The following MAGEA6 variants were observed in gnomAD, a reference collection of about 807,000 sequenced individuals.
MAGEA6 encodes MAGE family member A6, also known as melanoma-associated antigen 6.
For synonymous variants in MAGEA6, 100 were observed against 98.8 expected (o/e 1.01, Z -0.07); for missense variants, 281 against 231.4 (o/e 1.21, Z -1.39).
rs1406500404 is a variant in MAGEA6, at chrX:152,766,961, C to A, written c.690G>T (p.Val230=). The A allele has an allele frequency of 8.3e-7, 1 of 1,208,953 alleles. No individual in the cohort carries two copies. Among genetic ancestry groups the A allele is most frequent in the African/African-American group, 1.8e-5 (1 of 57,099 alleles). ...AGATACTGTCTTCCCTCCCCTCAAACACCTCTAACACACTCAGCTCCTCCC... is the reference window on the plus strand; with the variant it reads ...AGATACTGTCTTCCCTCCCCTCAAAAACCTCTAACACACTCAGCTCCTCCC... ...KIWEELSVLE[V]FEGREDSIFG... is the part of the protein sequence containing the mutation. The change falls in exon 3 of 3, where the codon GTG becomes GTT. Residue 230 remains valine, a synonymous_variant. Transcript: ENST00000329342.
chrX:152,766,613 A>G lies in MAGEA6; in HGVS notation c.*93T>C, dbSNP rs1946817811. 1.1e-6 allele frequency: 1 copy of G among 895,378 alleles called. No homozygotes were observed. The highest frequency in any genetic ancestry group is 2.3e-5 in the South Asian group (1 of 42,630). 73.8% of individuals were successfully genotyped at this position (895,378 alleles called of 1,213,427 possible). A position where few individuals can be genotyped will look rare whatever the true frequency, so the allele number is the denominator to read the frequency against. ...AAGAGTGAAGAATGGGCCTCACGTCACAGGAGGCAGTGGAAACTAAGGGAT... is the reference window on the plus strand; with the variant it reads ...AAGAGTGAAGAATGGGCCTCACGTCGCAGGAGGCAGTGGAAACTAAGGGAT... On this transcript the variant is annotated 3_prime_UTR_variant, in exon 3 of 3. Coordinates refer to ENST00000329342, the MANE Select transcript of MAGEA6 (RefSeq NM_005363.5).
rs782710615 is a variant in MAGEA6 at position 152,766,771 on chromosome X, T to C, written c.880A>G (p.Ser294Gly). 195 of 1,208,993 alleles carry C rather than the reference T, an allele frequency of 1.6e-4. 1 individual carries two copies. The Middle Eastern group carries it at 9.0e-3, about 56-fold the overall frequency. Reference sequence around the variant, plus strand: ...GGGTAGGAAATGCGAGGTCCTCCACTGATCTTTACCATATGGTGCAGGACT... The same window carrying C: ...GGGTAGGAAATGCGAGGTCCTCCACCGATCTTTACCATATGGTGCAGGACT... ...VKVLHHMVKI[S>G]GGPRISYPLL... Residue 294 changes from serine (S) to glycine (G), a missense_variant, in exon 3 of 3, where the codon AGT becomes GGT. Ser to Gly is a moderately conservative substitution (Grantham distance 56). Transcript: ENST00000329342.
At position 152,767,298 on chromosome X, in the gene MAGEA6, T is replaced by G. The variant is rs1932754564; in HGVS notation, c.353A>C (p.His118Pro). The change falls in exon 3 of 3, where the codon CAT becomes CCT. Residue 118 changes from histidine (H) to proline (P), a missense_variant. Coordinates refer to ENST00000329342, the MANE Select transcript of MAGEA6 (RefSeq NM_005363.5). Reference sequence around the variant, plus strand: ...GGCTCGATACTTGAGGAGCAGAAAATGAACCAACTTGGCCACCTTCCTACT... The same window carrying G: ...GGCTCGATACTTGAGGAGCAGAAAAGGAACCAACTTGGCCACCTTCCTACT... ...ALSRKVAKLV[H>P]FLLLKYRARE... 33 of 1,210,296 alleles carry G rather than the reference T, an allele frequency of 2.7e-5. No individual in the cohort carries two copies. Among genetic ancestry groups the G allele is most frequent in the Non-Finnish European group, 3.2e-5 (29 of 894,598 alleles).
chrX:152,767,226 T>C lies in MAGEA6; in HGVS notation c.425A>G (p.Asn142Ser). ...KAEMLGSVVG[N>S]WQYFFPVIFS... is the part of the protein sequence containing the mutation. ...GATCACAGGAAAGAAGTACTGCCAA[T>C]TTCCGACGACACTCCCCAGCATTTC... Residue 142 changes from asparagine to serine, a missense_variant, in exon 3 of 3, where the codon AAT becomes AGT. Coordinates refer to ENST00000329342, the MANE Select transcript of MAGEA6 (RefSeq NM_005363.5). The C allele has an allele frequency of 1.7e-6, 2 of 1,210,452 alleles. No homozygotes were observed.
At position 152,766,483 on chromosome X, in the gene MAGEA6, C is replaced by T. The variant is rs1316670663; in HGVS notation, c.*223G>A. On this transcript the variant is annotated 3_prime_UTR_variant, in exon 3 of 3. Transcript: ENST00000329342. ...GGATGCTGACGCTCATTCAACCATC[C>T]GTTAAAAGGAACATTTGAACAACTC... is the stretch of plus-strand genomic sequence containing the variant. 1.4e-5 allele frequency: 6 copies of T among 435,702 alleles called. No individual in the cohort carries two copies. Among genetic ancestry groups the T allele is most frequent in the Admixed American group, 4.1e-5 (1 of 24,338 alleles). 35.9% of individuals were successfully genotyped at this position (435,702 alleles called of 1,213,427 possible).
chrX:152,767,748 G>T lies in MAGEA6; in HGVS notation c.-65-33C>A, dbSNP rs1259020965. The T allele has an allele frequency of 4.0e-5, 15 of 375,974 alleles. 1 individual carries two copies. In the African/African-American group the frequency reaches 4.5e-4, roughly 11 times the overall value. 31.0% of individuals were successfully genotyped at this position (375,974 alleles called of 1,213,427 possible). On this transcript the variant is annotated intron_variant, in intron 2 of 2. Coordinates refer to ENST00000329342, the MANE Select transcript of MAGEA6 (RefSeq NM_005363.5). ...GAGAGGGAGCATGTGAGAGACCTCA[G>T]CTGAGTACTGAATGGAACCTTGGAG...
chrX:152,767,051 G>A lies in MAGEA6; in HGVS notation c.600C>T (p.Gly200=). Residue 200 remains glycine (G), a synonymous_variant, in exon 3 of 3, where the codon GGC becomes GGT. Transcript: ENST00000329342. ...LGDNQIMPKT[G]FLIIILAIIA... is the part of the protein sequence containing the mutation. ...TTATGGCCAGGATGATTATCAGGAA[G>A]CCTGTCTTGGGCATGATCTGATTGT... The A allele has an allele frequency of 8.3e-7, 1 of 1,210,747 alleles. No homozygotes were observed. The highest frequency in any genetic ancestry group is 1.1e-6 in the Non-Finnish European group (1 of 894,760).
Position 152,767,134 on chromosome X carries a change from C to T in MAGEA6, c.517G>A (p.Gly173Ser), listed in dbSNP as rs782473230. The change falls in exon 3 of 3, where the codon GGC (glycine) becomes AGC (serine). Residue 173 changes from glycine to serine, a missense_variant. By Grantham distance (56) the Gly-to-Ser change is moderately conservative. Transcript: ENST00000329342. ...CAGGTGGCAAAGATGTACACGTGGCCGATGGGGTCCACTTCCATCAGCTCG... is the reference window on the plus strand; with the variant it reads ...CAGGTGGCAAAGATGTACACGTGGCTGATGGGGTCCACTTCCATCAGCTCG... ...GIELMEVDPI[G>S]HVYIFATCLG... is the part of the protein sequence containing the mutation. 27 of 1,209,085 alleles carry T rather than the reference C, an allele frequency of 2.2e-5. No homozygotes were observed. In the Admixed American group the frequency reaches 4.1e-4, roughly 19 times the overall value.
At position 152,766,614 on chromosome X, in the gene MAGEA6, C is replaced by G; in HGVS notation, c.*92G>C. On this transcript the variant is annotated 3_prime_UTR_variant, in exon 3 of 3. Coordinates refer to ENST00000329342, the MANE Select transcript of MAGEA6 (RefSeq NM_005363.5). ...AGAGTGAAGAATGGGCCTCACGTCA[C>G]AGGAGGCAGTGGAAACTAAGGGATG... The G allele has an allele frequency of 1.1e-6, 1 of 906,068 alleles. No individual in the cohort carries two copies. The highest frequency in any genetic ancestry group is 2.3e-5 in the South Asian group (1 of 43,098). The allele number at this position is 906,068 out of a possible 1,213,427, so 74.7% of individuals were successfully genotyped here.
chrX:152,767,483 G>A lies in MAGEA6; in HGVS notation c.168C>T (p.Ala56=), dbSNP rs781984268. Residue 56 remains alanine, a synonymous_variant, in exon 3 of 3, where the codon GCC becomes GCT. Coordinates refer to ENST00000329342, the MANE Select transcript of MAGEA6 (RefSeq NM_005363.5). Reference sequence around the variant, plus strand: ...GACTCTGGGGAGGATCTGGTGACTCGGCAGCAGGCACCTCCCCCAGGGTGA... The same window carrying A: ...GACTCTGGGGAGGATCTGGTGACTCAGCAGCAGGCACCTCCCCCAGGGTGA... ...VEVTLGEVPA[A]ESPDPPQSPQ... The A allele has an allele frequency of 7.8e-6, 9 of 1,147,554 alleles. No individual in the cohort carries two copies. Among genetic ancestry groups the A allele is most frequent in the Non-Finnish European group, 9.3e-6 (8 of 861,481 alleles). The allele number at this position is 1,147,554 out of a possible 1,213,427, so 94.6% of individuals were successfully genotyped here.
rs2070963947 is a variant in MAGEA6, at chrX:152,766,840, A to G, written c.811T>C (p.Phe271Leu). The change falls in exon 3 of 3, where the codon TTC becomes CTC. Residue 271 changes from phenylalanine to leucine, a missense_variant. Coordinates refer to ENST00000329342, the MANE Select transcript of MAGEA6 (RefSeq NM_005363.5). ...VPGSDPACYE[F>L]LWGPRALIET... ...ATGAGGGCCCTTGGACCCCACAGGA[A>G]CTCATAGCATGCAGGATCACTGCCG... is the stretch of plus-strand genomic sequence containing the variant. 2 of 1,208,912 alleles carry G rather than the reference A, an allele frequency of 1.7e-6. No individual in the cohort carries two copies. Among genetic ancestry groups the G allele is most frequent in the South Asian group, 1.8e-5 (1 of 56,672 alleles).
Position 152,767,892 on chromosome X carries a change from G to T in MAGEA6, c.-131-31C>A. 8.7e-6 allele frequency: 2 copies of T among 230,612 alleles called. 1 individual carries two copies. Among genetic ancestry groups the T allele is most frequent in the Admixed American group, 6.6e-5 (2 of 30,211 alleles). 19.0% of individuals were successfully genotyped at this position (230,612 alleles called of 1,213,427 possible). A position where few individuals can be genotyped will look rare whatever the true frequency, so the allele number is the denominator to read the frequency against. On this transcript the variant is annotated intron_variant, in intron 1 of 2. Coordinates refer to ENST00000329342, the MANE Select transcript of MAGEA6 (RefSeq NM_005363.5). ...GGAGGAAGTGAGAGGGCACCTCAGG[G>T]TACATCCGGCCAGCACATGCTGAGG...
Position 152,766,918 on chromosome X carries a change from G to C in MAGEA6, c.733C>G (p.Leu245Val), listed in dbSNP as rs782088099. ...TCCTGCACGAAATATTGGGTGAGCA[G>C]CTTCTTGGGATCCCCGAAGATACTG... ...EDSIFGDPKK[L>V]LTQYFVQENY... Residue 245 changes from leucine to valine, a missense_variant, in exon 3 of 3, where the codon CTG becomes GTG. Physicochemically the swap from Leu to Val is conservative, Grantham distance 32. Coordinates refer to ENST00000329342, the MANE Select transcript of MAGEA6 (RefSeq NM_005363.5). 1.7e-6 allele frequency: 2 copies of C among 1,210,892 alleles called. No individual in the cohort carries two copies. The highest frequency in any genetic ancestry group is 3.0e-5 in the East Asian group (1 of 33,802).
chrX:152,767,306 C>G lies in MAGEA6; in HGVS notation c.345G>C (p.Lys115Asn). The G allele has an allele frequency of 1.7e-6, 2 of 1,210,613 alleles. No individual in the cohort carries two copies. The highest frequency in any genetic ancestry group is 1.7e-5 in the African/African-American group (1 of 57,722). Residue 115 changes from lysine to asparagine, a missense_variant, in exon 3 of 3, where the codon AAG (lysine) becomes AAC (asparagine). Physicochemically the swap from Lys to Asn is moderately conservative, Grantham distance 94. Coordinates refer to ENST00000329342, the MANE Select transcript of MAGEA6 (RefSeq NM_005363.5). Reference protein sequence around the residue: ...FQAALSRKVAKLVHFLLLKYR... With the variant: ...FQAALSRKVANLVHFLLLKYR... ...ACTTGAGGAGCAGAAAATGAACCAA[C>G]TTGGCCACCTTCCTACTGAGTGCTG...
rs1932737952 is a variant in MAGEA6 at position 152,766,890 on chromosome X, T to C, written c.761A>G (p.Asn254Ser). 8.3e-7 allele frequency: 1 copy of C among 1,209,198 alleles called. No individual in the cohort carries two copies. The highest frequency in any genetic ancestry group is 3.0e-5 in the East Asian group (1 of 33,743). ...KLLTQYFVQE[N>S]YLEYRQVPGS... The stretch of plus-strand genomic sequence containing the variant: ...GGGGACCTGCCGGTACTCCAGGTAG[T>C]TTTCCTGCACGAAATATTGGGTGAG... Residue 254 changes from asparagine (N) to serine (S), a missense_variant, in exon 3 of 3, where the codon AAC becomes AGC. By Grantham distance (46) the Asn-to-Ser change is conservative (BLOSUM62 1). Coordinates refer to ENST00000329342, the MANE Select transcript of MAGEA6 (RefSeq NM_005363.5).
chrX:152,768,203 G>A (rs1556837212), intron 1 of MAGEA6, among the ~76,000 whole-genome samples: 1 of 69,239 alleles, frequency 1.4e-5, no homozygotes, highest in Non-Finnish European at 3.2e-5. Flanking sequence ...ACTCTGTGAG[G>A]TCCCCACTCT....
Position 152,766,599 on chromosome X carries a change from A to G in MAGEA6, c.*107T>C. The G allele has an allele frequency of 1.3e-6, 1 of 769,951 alleles. No homozygotes were observed. Among genetic ancestry groups the G allele is most frequent in the Non-Finnish European group, 1.9e-6 (1 of 520,826 alleles). The allele number at this position is 769,951 out of a possible 1,213,427, so 63.5% of individuals were successfully genotyped here. ...GACTGCTCGCTTCAAAGAGTGAAGA[A>G]TGGGCCTCACGTCACAGGAGGCAGT... On this transcript the variant is annotated 3_prime_UTR_variant, in exon 3 of 3. Transcript: ENST00000329342.
At position 152,767,428 on chromosome X, in the gene MAGEA6, T is replaced by C. The variant is rs1556826131; in HGVS notation, c.223A>G (p.Met75Val). The change falls in exon 3 of 3, where the codon ATG becomes GTG. Residue 75 changes from methionine (M) to valine (V), a missense_variant. Met to Val is a conservative substitution (Grantham distance 21). Transcript: ENST00000329342. ...GATTGGCTCCAGAGAGGGTAGTTCA[T>C]GGTAGTGGGGAGGCTGGAGGCTCCC... ...PQGASSLPTT[M>V]NYPLWSQSYE... is the part of the protein sequence containing the mutation. 3.4e-5 allele frequency: 41 copies of C among 1,191,233 alleles called. No homozygotes were observed. In the African/African-American group the frequency reaches 7.7e-4, roughly 22 times the overall value.
In MAGEA6 at chrX:152,767,344, A is replaced by G; in HGVS notation, c.307T>C (p.Ser103Pro). The G allele has an allele frequency of 1.7e-6, 2 of 1,209,043 alleles. No individual in the cohort carries two copies. ...EGPSTFPDLESEFQAALSRKV... is the reference protein window; with the variant it reads ...EGPSTFPDLEPEFQAALSRKV... Reference sequence around the variant, plus strand: ...CTACTGAGTGCTGCTTGGAACTCAGACTCCAGGTCAGGGAAGGTGCTTGGC... The same window carrying G: ...CTACTGAGTGCTGCTTGGAACTCAGGCTCCAGGTCAGGGAAGGTGCTTGGC... Residue 103 changes from serine to proline, a missense_variant, in exon 3 of 3, where the codon TCT (serine) becomes CCT (proline). Ser to Pro is a moderately conservative substitution (Grantham distance 74). Transcript: ENST00000329342.
Sources: allele counts gnomAD v4.1 joint callset (sites outside exome capture counted in the v4.1 genomes callset), GRCh38; gene constraint gnomAD v4.1.1; transcripts MANE v1.5; gene names NCBI Gene and HGNC (gene_info 2026-07-23, HGNC 2026-07-21).